The following SSTR2 variants were observed in gnomAD, a reference collection of about 807,000 sequenced individuals.
SSTR2 encodes the protein somatostatin receptor type 2.
A neutral mutation model predicts 21.4 loss-of-function variants in SSTR2; 10 were observed. The ratio of observed to expected loss-of-function variants is 0.47; its 90% confidence interval spans 0.29 to 0.79. The LOEUF (loss-of-function observed/expected upper bound fraction) is 0.79. SSTR2 is among the 30% of genes least tolerant of loss of function. The probability of loss-of-function intolerance (pLI) is 0.10; values close to 1 mark genes in which losing one functional copy is unlikely to be tolerated. For missense variants in SSTR2, 364 were observed against 468.8 expected (o/e 0.78, Z 2.06); for synonymous variants, 177 against 181.3 (o/e 0.98, Z 0.19).
At chr17:73,167,087 T>C (rs1415541562) in intron 1 of SSTR2, among the ~76,000 whole-genome samples, 1 of 152,212 alleles carries the variant, frequency 6.6e-6, no homozygotes, top group Non-Finnish European at 1.5e-5. Context: ...TGCAGGCAGC[T>C]TGAATAGGAT....
rs1173160186 is a variant in SSTR2 at position 73,173,765 on chromosome 17, T to C, written c.*3336T>C. On this transcript the variant is annotated 3_prime_UTR_variant, in exon 2 of 2. Coordinates refer to ENST00000357585, the MANE Select transcript of SSTR2 (RefSeq NM_001050.3). ...GATATTGGGAAAAATAATATGATATTGTGGCCTATGTTGAATGATGTTAGC... is the reference window on the plus strand; with the variant it reads ...GATATTGGGAAAAATAATATGATATCGTGGCCTATGTTGAATGATGTTAGC... 6.6e-6 allele frequency: 1 copy of C among 152,192 alleles called. No homozygotes were observed. Among genetic ancestry groups the C allele is most frequent in the Non-Finnish European group, 1.5e-5 (1 of 68,030 alleles). The allele number at this position is 152,192 out of a possible 1,614,324, so 9.4% of individuals were successfully genotyped here.
At position 73,170,987 on chromosome 17, in the gene SSTR2, G is replaced by A. The variant is rs2061233404; in HGVS notation, c.*558G>A. 1 of 315,470 alleles carries A rather than the reference G, an allele frequency of 3.2e-6. No homozygotes were observed. The highest frequency in any genetic ancestry group is 6.6e-6 in the Non-Finnish European group (1 of 152,092). 19.5% of individuals were successfully genotyped at this position (315,470 alleles called of 1,614,324 possible). A position where few individuals can be genotyped will look rare whatever the true frequency, so the allele number is the denominator to read the frequency against. On this transcript the variant is annotated 3_prime_UTR_variant, in exon 2 of 2. Coordinates refer to ENST00000357585, the MANE Select transcript of SSTR2 (RefSeq NM_001050.3). Reference sequence around the variant, plus strand: ...TTGCACGGGCCTTGCCAAGGCCCAGGAGGGACTTGGGCAGTATGTTCATGT... The same window carrying A: ...TTGCACGGGCCTTGCCAAGGCCCAGAAGGGACTTGGGCAGTATGTTCATGT...
Position 73,169,789 on chromosome 17 carries a change from G to C in SSTR2, c.470G>C (p.Arg157Pro). ...AAGTCGGCCAAGTGGAGGAGACCCC[G>C]GACGGCCAAGATGATCACCATGGCT... is the stretch of plus-strand genomic sequence containing the variant. ...PIKSAKWRRP[R>P]TAKMITMAVW... Residue 157 changes from arginine to proline, a missense_variant, in exon 2 of 2, where the codon CGG becomes CCG. By Grantham distance (103) the Arg-to-Pro change is moderately radical. Transcript: ENST00000357585. This position sits in a 1 kb window ranked among gnomAD's most constrained non-coding sequence, Gnocchi z 5.2. 6.2e-7 allele frequency: 1 copy of C among 1,614,112 alleles called. No individual in the cohort carries two copies. The highest frequency in any genetic ancestry group is 1.7e-5 in the Admixed American group (1 of 60,020).
intron 1 of SSTR2, among the ~76,000 whole-genome samples, chr17:73,168,369 T>C (rs978617025): frequency 6.6e-6 from 1 of 152,240 alleles, no homozygotes; most frequent in African/African-American, 2.4e-5. Context: ...TTACAGCACT[T>C]GGGAGCAGCA....
At position 73,169,336 on chromosome 17, in the gene SSTR2, A is replaced by C; in HGVS notation, c.17A>C (p.Glu6Ala). 1 of 1,612,838 alleles carries C rather than the reference A, an allele frequency of 6.2e-7. No homozygotes were observed. The highest frequency in any genetic ancestry group is 1.1e-5 in the South Asian group (1 of 90,872). MDMADEPLNGSHTWLS... is the reference protein window; with the variant it reads MDMADAPLNGSHTWLS... ...AAAGCAGCCATGGACATGGCGGATG[A>C]GCCACTCAATGGAAGCCACACATGG... The change falls in exon 2 of 2, where the codon GAG (glutamate) becomes GCG (alanine). Residue 6 changes from glutamate (E) to alanine (A), a missense_variant. Physicochemically the swap from Glu to Ala is moderately radical, Grantham distance 107. Around this residue, in one of 4 missense-constraint regions of SSTR2, gnomAD observed 75 missense variants for 75.4 expected, o/e 0.99. Coordinates refer to ENST00000357585, the MANE Select transcript of SSTR2 (RefSeq NM_001050.3). This position sits in a 1 kb window ranked among gnomAD's most constrained non-coding sequence, Gnocchi z 5.2.
chr17:73,169,614 T>G lies in SSTR2; in HGVS notation c.295T>G (p.Leu99Val), dbSNP rs544455858. The G allele has an allele frequency of 6.2e-7, 1 of 1,614,160 alleles. No individual in the cohort carries two copies. The highest frequency in any genetic ancestry group is 8.5e-7 in the Non-Finnish European group (1 of 1,180,058). The change falls in exon 2 of 2, where the codon TTG (leucine) becomes GTG (valine). Residue 99 changes from leucine to valine, a missense_variant. By Grantham distance (32) the Leu-to-Val change is conservative (BLOSUM62 1). Transcript: ENST00000357585. This position sits in a 1 kb window ranked among gnomAD's most constrained non-coding sequence, Gnocchi z 5.2. ...DELFMLGLPF[L>V]AMQVALVHWP... ...GCTCTTCATGCTGGGTCTGCCTTTCTTGGCTATGCAGGTGGCTCTGGTCCA... is the reference window on the plus strand; with the variant it reads ...GCTCTTCATGCTGGGTCTGCCTTTCGTGGCTATGCAGGTGGCTCTGGTCCA...
At chr17:73,167,680 A>C (rs2061220689) in intron 1 of SSTR2, among the ~76,000 whole-genome samples, 1 of 152,162 alleles carries the variant, frequency 6.6e-6, no homozygotes, top group African/African-American at 2.4e-5. Context: ...TGAGTCCCCC[A>C]GGAAAGGAAG....
At chr17:73,166,449 G>C (rs2061216692) in intron 1 of SSTR2, among the ~76,000 whole-genome samples, 1 of 150,582 alleles carries the variant, frequency 6.6e-6, no homozygotes, top group Admixed American at 6.6e-5. Context: ...TAAAAGGGGG[G>C]CGGGGGGGGC....
At position 73,170,610 on chromosome 17, in the gene SSTR2, G is replaced by A. The variant is rs2145070233; in HGVS notation, c.*181G>A. ...AGCTTGTCTGATTGAATGATAATGTGCTAAATTGATTACCTCCCCCTTAAA... is the reference window on the plus strand; with the variant it reads ...AGCTTGTCTGATTGAATGATAATGTACTAAATTGATTACCTCCCCCTTAAA... On this transcript the variant is annotated 3_prime_UTR_variant, in exon 2 of 2. Coordinates refer to ENST00000357585, the MANE Select transcript of SSTR2 (RefSeq NM_001050.3). The A allele has an allele frequency of 1.2e-6, 1 of 813,470 alleles. No homozygotes were observed. The highest frequency in any genetic ancestry group is 2.7e-5 in the East Asian group (1 of 37,268). 50.4% of individuals were successfully genotyped at this position (813,470 alleles called of 1,614,324 possible).
In SSTR2 at chr17:73,169,901, C is replaced by T. The variant is rs749845481; in HGVS notation, c.582C>T (p.Thr194=). The T allele has an allele frequency of 1.9e-6, 3 of 1,610,120 alleles. No individual in the cohort carries two copies. The highest frequency in any genetic ancestry group is 2.5e-6 in the Non-Finnish European group (3 of 1,177,086). ...ACCAGTGGGGGAGAAGCAGCTGCAC[C>T]ATCAACTGGCCAGGTGAATCTGGGG... ...RSNQWGRSSC[T]INWPGESGAW... The change falls in exon 2 of 2, where the codon ACC becomes ACT. Residue 194 remains threonine, a synonymous_variant. Coordinates refer to ENST00000357585, the MANE Select transcript of SSTR2 (RefSeq NM_001050.3). This position sits in a 1 kb window ranked among gnomAD's most constrained non-coding sequence, Gnocchi z 5.2.
At position 73,173,296 on chromosome 17, in the gene SSTR2, C is replaced by T. The variant is rs1256010002; in HGVS notation, c.*2867C>T. 1.3e-5 allele frequency: 2 copies of T among 152,190 alleles called. No individual in the cohort carries two copies. Among genetic ancestry groups the T allele is most frequent in the African/African-American group, 2.4e-5 (1 of 41,448 alleles). The allele number at this position is 152,190 out of a possible 1,614,324, so 9.4% of individuals were successfully genotyped here. A position where few individuals can be genotyped will look rare whatever the true frequency, so the allele number is the denominator to read the frequency against. ...GGAGGCCAGAGTCCAAAGCAGCCAC[C>T]TGTAACCTGAAAATGAAACGCAGAC... is the stretch of plus-strand genomic sequence containing the variant. On this transcript the variant is annotated 3_prime_UTR_variant, in exon 2 of 2. Transcript: ENST00000357585.
intron 1 of SSTR2, among the ~76,000 whole-genome samples, chr17:73,167,413 G>C (rs2061219860): frequency 1.3e-5 from 2 of 152,192 alleles, no homozygotes; most frequent in African/African-American, 2.4e-5. Flanking sequence ...TCAAGTACTT[G>C]TTGCTGGCCA....
chr17:73,167,527 C>T (rs1368518266), intron 1 of SSTR2, among the ~76,000 whole-genome samples: 1 of 152,186 alleles, frequency 6.6e-6, no homozygotes, highest in African/African-American at 2.4e-5. Context: ...AATGTGTCAG[C>T]CAAGTGAATT....
rs1384661482 is a variant in SSTR2, at chr17:73,171,113, G to C, written c.*684G>C. 1 of 176,510 alleles carries C rather than the reference G, an allele frequency of 5.7e-6. No individual in the cohort carries two copies. Among genetic ancestry groups the C allele is most frequent in the Non-Finnish European group, 1.4e-5 (1 of 73,554 alleles). 10.9% of individuals were successfully genotyped at this position (176,510 alleles called of 1,614,324 possible). A position where few individuals can be genotyped will look rare whatever the true frequency, so the allele number is the denominator to read the frequency against. ...AGCTTCAAGCCTCACAAACCTTCTAGCCTCTGCCCTTGGGGATTTGCTTCA... is the reference window on the plus strand; with the variant it reads ...AGCTTCAAGCCTCACAAACCTTCTACCCTCTGCCCTTGGGGATTTGCTTCA... On this transcript the variant is annotated 3_prime_UTR_variant, in exon 2 of 2. Coordinates refer to ENST00000357585, the MANE Select transcript of SSTR2 (RefSeq NM_001050.3).
rs1172167990 is a variant in SSTR2, at chr17:73,171,454, G to A, written c.*1025G>A. On this transcript the variant is annotated 3_prime_UTR_variant, in exon 2 of 2. Transcript: ENST00000357585. ...GGGAAACAATTTCATTCTCTCCATC[G>A]TGAAAATAAGTGAATAAGAGTGAAG... The A allele has an allele frequency of 2.4e-5, 4 of 166,952 alleles. No homozygotes were observed. Among genetic ancestry groups the A allele is most frequent in the African/African-American group, 9.7e-5 (4 of 41,432 alleles). The allele number at this position is 166,952 out of a possible 1,614,324, so 10.3% of individuals were successfully genotyped here.
At position 73,173,204 on chromosome 17, in the gene SSTR2, C is replaced by CAA. The variant is rs34612576; in HGVS notation, c.*2786_*2787dup. On this transcript the variant is annotated 3_prime_UTR_variant, in exon 2 of 2. Transcript: ENST00000357585. ...GGGCAACAAGAGCGAAACTTCATCT[C>CAA]AAAAAAAAAAAACAAAGACTAATTC... is the stretch of plus-strand genomic sequence containing the variant. 1,798 of 139,572 alleles carry CAA rather than the reference C, an allele frequency of 0.013. 72 individuals carry two copies. In the East Asian group the frequency reaches 0.15, roughly 12 times the overall value. 8.6% of individuals were successfully genotyped at this position (139,572 alleles called of 1,614,324 possible).
rs1397634830 is a variant in SSTR2 at position 73,170,423 on chromosome 17, T to C, written c.1104T>C (p.Ser368=). Reference sequence around the variant, plus strand: ...TCCTCAATGGAGACCTCCAAACCAGTATCTGAACTGCTTGGGGGGTGGGAA... The same window carrying C: ...TCCTCAATGGAGACCTCCAAACCAGCATCTGAACTGCTTGGGGGGTGGGAA... ...RTLLNGDLQT[S]I Residue 368 remains serine (S), a synonymous_variant, in exon 2 of 2, where the codon AGT becomes AGC. Transcript: ENST00000357585. The C allele has an allele frequency of 2.5e-6, 4 of 1,611,960 alleles. No individual in the cohort carries two copies. Among genetic ancestry groups the C allele is most frequent in the Admixed American group, 3.3e-5 (2 of 59,936 alleles).
chr17:73,167,607 C>G (rs1236702800), intron 1 of SSTR2, among the ~76,000 whole-genome samples: 1 of 152,148 alleles, frequency 6.6e-6, no homozygotes, highest in Non-Finnish European at 1.5e-5. Flanking sequence ...CTTTGCTGTC[C>G]TCCTGCTTCA....
In SSTR2 at chr17:73,175,110, C is replaced by G. The variant is rs938981889; in HGVS notation, c.*4681C>G. 1.3e-5 allele frequency: 2 copies of G among 152,174 alleles called. No homozygotes were observed. The highest frequency in any genetic ancestry group is 2.4e-5 in the African/African-American group (1 of 41,436). 9.4% of individuals were successfully genotyped at this position (152,174 alleles called of 1,614,324 possible). On this transcript the variant is annotated 3_prime_UTR_variant, in exon 2 of 2. Coordinates refer to ENST00000357585, the MANE Select transcript of SSTR2 (RefSeq NM_001050.3). Reference sequence around the variant, plus strand: ...CTTATCATTCTAAGAATCCCAATAGCTGGCAAGCCAAGCAGTGGAACTTAT... The same window carrying G: ...CTTATCATTCTAAGAATCCCAATAGGTGGCAAGCCAAGCAGTGGAACTTAT...
Sources: gnomAD v4.1 joint callset for allele counts (sites outside exome capture counted in the v4.1 genomes callset) on GRCh38, gnomAD v4.1.1 for gene constraint, gnomAD v4.1.1 regional missense constraint, Gnocchi (gnomAD v3.1) non-coding constraint, MANE v1.5 for transcripts, NCBI Gene and HGNC (gene_info 2026-07-23, HGNC 2026-07-21) for gene names.